Variants in SRSF1 observed in about 807,000 individuals in gnomAD.
The protein encoded by SRSF1 is serine/arginine-rich splicing factor 1.
SRSF1 carries 1 observed loss-of-function variant against 25.9 expected under a neutral mutation model. The ratio of observed to expected loss-of-function variants is 0.04; its 90% CI spans 0.01 to 0.18. The LOEUF (loss-of-function observed/expected upper bound fraction) is 0.18, where lower values mean the gene tolerates loss of function less well. Ranked by LOEUF, SRSF1 falls within the 10% of genes least tolerant of loss-of-function variation. The pLI, the probability that SRSF1 is intolerant of heterozygous loss-of-function variation, is 1.00. For missense variants in SRSF1, 65 were observed against 350.5 expected (o/e 0.19, Z 6.50); for synonymous variants, 132 against 126.2 (o/e 1.05, Z -0.31).
downstream of SRSF1, among the ~76,000 whole-genome samples, chr17:57,997,043 TAAG>T (rs1307582714): frequency 6.6e-6 from 1 of 152,184 alleles, no homozygotes. Context: ...GCTTCCTCTG[TAAG>T]AAGCTTAAAA....
intron 2 of SRSF1, 97 bp downstream of exon 2, chr17:58,006,246 G>A (rs2075426279): frequency 4.2e-6 from 6 of 1,412,800 alleles, no homozygotes; most frequent in Non-Finnish European, 5.8e-6. Context: ...TTAAGACCTA[G>A]CATGAAAAAT....
rs1431798380 is a variant in SRSF1, at chr17:58,005,407, T to C, written c.746A>G (p.Ter249=). Reference sequence around the variant, plus strand: ...CTACAAAAAGTGTCACCAATCATCTTATGTACGAGAGCGAGATCTGCTATG... The same window carrying C: ...CTACAAAAAGTGTCACCAATCATCTCATGTACGAGAGCGAGATCTGCTATG... ...PRHSRSRSRT[*] The change falls in exon 4 of 4, where the codon TAA becomes TGA. Residue 249 remains the stop codon, a stop_retained_variant. Transcript: ENST00000258962. The surrounding 1 kb of genome is among the most constrained non-coding windows in gnomAD (Gnocchi z 5.2). 1.2e-5 allele frequency: 19 copies of C among 1,613,324 alleles called. No homozygotes were observed. Among genetic ancestry groups the C allele is most frequent in the Non-Finnish European group, 1.4e-5 (17 of 1,179,354 alleles).
At position 58,003,872 on chromosome 17, in the gene SRSF1, T is replaced by C. The variant is rs2075409476; in HGVS notation, c.*1534A>G. The C allele has an allele frequency of 6.6e-6, 1 of 152,642 alleles. No homozygotes were observed. Among genetic ancestry groups the C allele is most frequent in the African/African-American group, 2.4e-5 (1 of 41,456 alleles). 9.5% of individuals were successfully genotyped at this position (152,642 alleles called of 1,614,324 possible). ...TGGTTGGGGCAGGAATCCACTCCTA[T>C]GTTCCTGGTAATCTGATCCCGCTCC... is the stretch of plus-strand genomic sequence containing the variant. On this transcript the variant is annotated 3_prime_UTR_variant, in exon 4 of 4. Transcript: ENST00000258962.
chr17:58,002,026 A>G lies in SRSF1; in HGVS notation c.*3380T>C, dbSNP rs1387158168. Among the ~76,000 whole-genome samples, 1 of 152,226 alleles carries G rather than the reference A, an allele frequency of 6.6e-6. No individual in the cohort carries two copies. Among genetic ancestry groups the G allele is most frequent in the Non-Finnish European group, 1.5e-5 (1 of 68,028 alleles). On this transcript the variant is annotated 3_prime_UTR_variant, in exon 4 of 4. Coordinates refer to ENST00000258962, the MANE Select transcript of SRSF1 (RefSeq NM_006924.5). Reference sequence around the variant, plus strand: ...AACATTCAATGAACACAAATGAACCAAAGTTTACTTAAGTCTAGCTCACAT... The same window carrying G: ...AACATTCAATGAACACAAATGAACCGAAGTTTACTTAAGTCTAGCTCACAT...
chr17:58,006,820 G>A (rs1395572896), intron 1 of SRSF1, 124 bp downstream of exon 1: 9 of 1,209,824 alleles, frequency 7.4e-6, no homozygotes, highest in African/African-American at 1.5e-5. Flanking sequence ...CTGCATGGGC[G>A]ATACAGTCTC....
In SRSF1 at chr17:58,002,988, GAGAAC is replaced by G. The variant is rs2075402527; in HGVS notation, c.*2413_*2417del. ...GATCACACCACTGCCCTCCAGTCTGGAGAACAGAGCGAGACTCTGTCTCAAAAACA... is the reference window on the plus strand; with the variant it reads ...GATCACACCACTGCCCTCCAGTCTGGAGAGCGAGACTCTGTCTCAAAAACA... On this transcript the variant is annotated 3_prime_UTR_variant, in exon 4 of 4. Coordinates refer to ENST00000258962, the MANE Select transcript of SRSF1 (RefSeq NM_006924.5). 6.6e-6 allele frequency among the ~76,000 whole-genome samples: 1 copy of G among 152,186 alleles called. No homozygotes were observed. Among genetic ancestry groups the G allele is most frequent in the Non-Finnish European group, 1.5e-5 (1 of 68,038 alleles).
At chr17:57,990,078 G>T in the SRSF1 span, 1 of 249,314 alleles carries the variant, frequency 4.0e-6, no homozygotes, top group Non-Finnish European at 7.6e-6. Context: ...CTCCCTAGCT[G>T]CCTTTCAAAT....
At chr17:57,998,590 G>C (rs2075373558), downstream of SRSF1, among the ~76,000 whole-genome samples, 1 of 152,076 alleles carries the variant, frequency 6.6e-6, no homozygotes, top group African/African-American at 2.4e-5. Flanking sequence ...AATTATCAAA[G>C]GGACACCAGA....
At position 58,001,779 on chromosome 17, in the gene SRSF1, A is replaced by G. The variant is rs1014127971; in HGVS notation, c.*3627T>C. Among the ~76,000 whole-genome samples the G allele has an allele frequency of 1.3e-5, 2 of 152,206 alleles. No homozygotes were observed. The highest frequency in any genetic ancestry group is 1.3e-4 in the Admixed American group (2 of 15,282). On this transcript the variant is annotated 3_prime_UTR_variant, in exon 4 of 4. Transcript: ENST00000258962. The stretch of plus-strand genomic sequence containing the variant: ...ATAGGAGCAGTCCATACTTCCCATC[A>G]CAGCTTTTAGCTGTCTGGTCATCTT...
rs2075397614 is a variant in SRSF1 at position 58,002,353 on chromosome 17, A to G, written c.*3053T>C. Among the ~76,000 whole-genome samples, 1 of 152,194 alleles carries G rather than the reference A, an allele frequency of 6.6e-6. No homozygotes were observed. ...TGGGGTGACCTTACACATTTCTTCC[A>G]CTACCAAGATTTCTGGTTTTCCTTA... On this transcript the variant is annotated 3_prime_UTR_variant, in exon 4 of 4. Coordinates refer to ENST00000258962, the MANE Select transcript of SRSF1 (RefSeq NM_006924.5).
chr17:58,006,833 C>T, intron 1 of SRSF1, 111 bp downstream of exon 1: 3 of 1,338,594 alleles, frequency 2.2e-6, no homozygotes, highest in Admixed American at 2.0e-5. Flanking sequence ...ACAGTCTCGC[C>T]CCAACCTCTC....
At position 58,005,840 on chromosome 17, in the gene SRSF1, T is replaced by G; in HGVS notation, c.513A>C (p.Ala171=). 3 of 1,614,136 alleles carry G rather than the reference T, an allele frequency of 1.9e-6. No individual in the cohort carries two copies. Among genetic ancestry groups the G allele is most frequent in the Non-Finnish European group, 2.5e-6 (3 of 1,180,036 alleles). Reference sequence around the variant, plus strand: ...ACTTAGTGTTATCCAGTTTTCGAACTGCATAGGTCATATCTTCTTTCCGTA... The same window carrying G: ...ACTTAGTGTTATCCAGTTTTCGAACGGCATAGGTCATATCTTCTTTCCGTA... ...EFVRKEDMTY[A]VRKLDNTKFR... Residue 171 remains alanine, a synonymous_variant, in exon 3 of 4, where the codon GCA becomes GCC. Coordinates refer to ENST00000258962, the MANE Select transcript of SRSF1 (RefSeq NM_006924.5). This position sits in a 1 kb window ranked among gnomAD's most constrained non-coding sequence, Gnocchi z 5.2.
At chr17:58,006,588 G>C in intron 1 of SRSF1, 61 bp from the exon 2 acceptor site, 1 of 1,521,440 alleles carries the variant, frequency 6.6e-7, no homozygotes, top group Non-Finnish European at 8.9e-7. Context: ...TCGCTCAGTT[G>C]GGAACCAGCA....
downstream of SRSF1, among the ~76,000 whole-genome samples, chr17:57,999,029 A>C (rs1159487337): frequency 6.6e-6 from 1 of 152,170 alleles, no homozygotes; most frequent in Admixed American, 6.5e-5. Flanking sequence ...ACAGATACTA[A>C]AAGTGTTAAA....
At chr17:58,006,802 C>T in intron 1 of SRSF1, 142 bp downstream of exon 1, 1 of 1,087,156 alleles carries the variant, frequency 9.2e-7, no homozygotes, top group Admixed American at 2.4e-5. Context: ...CAGCTCCTTA[C>T]TCGACTCCTG....
the SRSF1 span, chr17:57,991,027 T>C: frequency 6.6e-6 from 1 of 152,246 alleles, no homozygotes. Context: ...ATATTTTTAT[T>C]GGTGTTATCG....
rs945027028 is a variant in SRSF1 at position 58,004,152 on chromosome 17, G to A, written c.*1254C>T. 1 of 152,632 alleles carries A rather than the reference G, an allele frequency of 6.6e-6. No individual in the cohort carries two copies. Among genetic ancestry groups the A allele is most frequent in the African/African-American group, 2.4e-5 (1 of 41,442 alleles). The allele number at this position is 152,632 out of a possible 1,614,324, so 9.5% of individuals were successfully genotyped here. ...ATTCCCCAAAACAAGTTTCTGAATGGTGTTCAGATAAATTTTAGAAACTTA... is the reference window on the plus strand; with the variant it reads ...ATTCCCCAAAACAAGTTTCTGAATGATGTTCAGATAAATTTTAGAAACTTA... On this transcript the variant is annotated 3_prime_UTR_variant, in exon 4 of 4. Coordinates refer to ENST00000258962, the MANE Select transcript of SRSF1 (RefSeq NM_006924.5).
chr17:58,000,785 T>C (rs897257365), downstream of SRSF1, among the ~76,000 whole-genome samples: 6 of 152,158 alleles, frequency 3.9e-5, no homozygotes, highest in African/African-American at 1.4e-4. Context: ...TTCAGAGCTG[T>C]ATGCACTTTA....
At position 58,000,973 on chromosome 17, in the gene SRSF1, G is replaced by T. The variant is rs1371009470; in HGVS notation, c.*4433C>A. ...CAACAACAGAAAATCTTTTGTTTTC[G>T]TAGTTTTTGGATTTCAAAAAATGGA... On this transcript the variant is annotated 3_prime_UTR_variant, in exon 4 of 4. Coordinates refer to ENST00000258962, the MANE Select transcript of SRSF1 (RefSeq NM_006924.5). Among the ~76,000 whole-genome samples, 1 of 152,064 alleles carries T rather than the reference G, an allele frequency of 6.6e-6. No homozygotes were observed. The highest frequency in any genetic ancestry group is 1.5e-5 in the Non-Finnish European group (1 of 67,982).
Sources: gnomAD v4.1 joint callset for allele counts (sites outside exome capture counted in the v4.1 genomes callset) on GRCh38, gnomAD v4.1.1 for gene constraint, Gnocchi (gnomAD v3.1) non-coding constraint, MANE v1.5 for transcripts, NCBI Gene and HGNC (gene_info 2026-07-23, HGNC 2026-07-21) for gene names.